UGT1A10: variants seen among roughly 807,000 people sequenced by gnomAD.
UGT1A10 encodes the protein UDP glucuronosyltransferase family 1 member A10, also known as UDP-glucuronosyltransferase 1A10.
A neutral mutation model predicts 45.8 loss-of-function variants in UGT1A10; 49 were observed. The ratio of observed to expected loss-of-function variants is 1.07; its 90% CI spans 0.85 to 1.36. The LOEUF (loss-of-function observed/expected upper bound fraction) is 1.36. Ranked by LOEUF, UGT1A10 falls within the 40% of genes most tolerant of loss-of-function variation. UGT1A10 has a pLI of 0.00. For missense variants in UGT1A10, 745 were observed against 668.6 expected, an observed-to-expected ratio of 1.11 and a Z score of -1.26; for synonymous variants, 284 against 249.7, an observed-to-expected ratio of 1.14 and a Z score of -1.29.
At chr2:233,687,497 C>T (rs1471270265) in intron 1 of UGT1A10, among the ~76,000 whole-genome samples, 1 of 147,862 alleles carries the variant, frequency 6.8e-6, no homozygotes, top group Non-Finnish European at 1.5e-5. Context: ...GATGATGAAA[C>T]TGAGGCACAG....
rs1275008504 is a variant in UGT1A10, at chr2:233,682,526, T to C, written c.855+45149T>C. On this transcript the variant is annotated intron_variant, in intron 1 of 4. Coordinates refer to ENST00000344644, the MANE Select transcript of UGT1A10 (RefSeq NM_019075.4). ...CTATGTCCCCAGACTTCTCTTAGGG[T>C]TCTCAGACGCCATGACTTTCAAGGA... is the stretch of plus-strand genomic sequence containing the variant. The C allele has an allele frequency of 2.5e-6, 4 of 1,613,918 alleles. No homozygotes were observed. The Admixed American group carries it at 6.7e-5, about 27-fold the overall frequency.
At chr2:233,678,916 G>A (rs190538655) in intron 1 of UGT1A10, among the ~76,000 whole-genome samples, 1 of 152,110 alleles carries the variant, frequency 6.6e-6, no homozygotes, top group Non-Finnish European at 1.5e-5. Context: ...GTGAAGTCAT[G>A]TGCAACATCT....
At chr2:233,760,848 C>T (rs1237758968) in intron 1 of UGT1A10, 1 of 1,613,934 alleles carries the variant, frequency 6.2e-7, no homozygotes, top group African/African-American at 1.3e-5. Flanking sequence ...CCCAGTGCCC[C>T]AACCCATTCT....
chr2:233,644,345 A>C (rs774350444), intron 1 of UGT1A10, among the ~76,000 whole-genome samples: 6 of 152,154 alleles, frequency 3.9e-5, no homozygotes, highest in Admixed American at 6.5e-5. Flanking sequence ...AGGTGGGTGG[A>C]TCACTTGAGG....
rs183557056 is a variant in UGT1A10 at position 233,739,734 on chromosome 2, G to A, written c.856-27300G>A. Reference sequence around the variant, plus strand: ...GGAAGGGACTTGACTTGTCTCAGATGAGACCTTGGACTATGGACTTTTGAG... The same window carrying A: ...GGAAGGGACTTGACTTGTCTCAGATAAGACCTTGGACTATGGACTTTTGAG... On this transcript the variant is annotated intron_variant, in intron 1 of 4. Transcript: ENST00000344644. Among the ~76,000 whole-genome samples the A allele has an allele frequency of 9.2e-3, 1,401 of 152,178 alleles. 30 individuals carry two copies. The highest frequency in any genetic ancestry group is 0.032 in the African/African-American group (1,315 of 41,414).
chr2:233,760,683 C>G, intron 1 of UGT1A10: 1 of 1,614,204 alleles, frequency 6.2e-7, no homozygotes, highest in Non-Finnish European at 8.5e-7. Context: ...ACTTACTGCA[C>G]AACAAGGAGC....
intron 1 of UGT1A10, among the ~76,000 whole-genome samples, chr2:233,686,693 C>T (rs2074799956): frequency 1.3e-5 from 2 of 152,118 alleles, no homozygotes; most frequent in South Asian, 2.1e-4. Flanking sequence ...TGGTGGTGCC[C>T]TCTGGCCTGC....
intron 1 of UGT1A10, chr2:233,755,811 GA>G (rs2125938248): frequency 6.6e-6 from 1 of 152,252 alleles, no homozygotes; most frequent in East Asian, 1.9e-4. Flanking sequence ...GATTAAAACA[GA>G]ATTAAAAAGA....
chr2:233,696,741 G>A (rs2075357541), intron 1 of UGT1A10, among the ~76,000 whole-genome samples: 1 of 152,080 alleles, frequency 6.6e-6, no homozygotes, highest in African/African-American at 2.4e-5. Context: ...ACCCTTTTCA[G>A]TATGATGTTA....
chr2:233,667,896 G>A (rs894133182), intron 1 of UGT1A10, among the ~76,000 whole-genome samples: 1 of 152,206 alleles, frequency 6.6e-6, no homozygotes, highest in Non-Finnish European at 1.5e-5. Context: ...GTGCTGTAGA[G>A]GATGTGGAGA....
At chr2:233,666,454 C>T (rs534336216) in intron 1 of UGT1A10, among the ~76,000 whole-genome samples, 12 of 152,138 alleles carry the variant, frequency 7.9e-5, no homozygotes, top group Admixed American at 2.0e-4. Flanking sequence ...TTATCTTGAA[C>T]GTCTTTACAT....
Position 233,769,905 on chromosome 2 carries a change from G to A in UGT1A10, c.1295+1466G>A. On this transcript the variant is annotated intron_variant, in intron 4 of 4. Coordinates refer to ENST00000344644, the MANE Select transcript of UGT1A10 (RefSeq NM_019075.4). The surrounding 1 kb of genome is among the most constrained non-coding windows in gnomAD (Gnocchi z 4.4). ...AGTCCACATAACCTGAGCATCATGTGCCCAGAGCGTTGGGTGGTGTGGTCC... is the reference window on the plus strand; with the variant it reads ...AGTCCACATAACCTGAGCATCATGTACCCAGAGCGTTGGGTGGTGTGGTCC... 1 of 322,682 alleles carries A rather than the reference G, an allele frequency of 3.1e-6. No individual in the cohort carries two copies. Among genetic ancestry groups the A allele is most frequent in the Admixed American group, 4.6e-5 (1 of 21,882 alleles). 20.0% of individuals were successfully genotyped at this position (322,682 alleles called of 1,614,324 possible).
rs1430980091 is a variant in UGT1A10 at position 233,768,314 on chromosome 2, G to A, written c.1170G>A (p.Leu390=). ...CNGVPMVMMP[L]FGDQMDNAKR... is the part of the protein sequence containing the mutation. ...GCGTTCCCATGGTGATGATGCCCTTGTTTGGTGATCAGATGGACAATGCAA... is the reference window on the plus strand; with the variant it reads ...GCGTTCCCATGGTGATGATGCCCTTATTTGGTGATCAGATGGACAATGCAA... The change falls in exon 4 of 5, where the codon TTG becomes TTA. Residue 390 remains leucine (L), a synonymous_variant. Transcript: ENST00000344644. 1.9e-5 allele frequency: 31 copies of A among 1,614,180 alleles called. No homozygotes were observed. Among genetic ancestry groups the A allele is most frequent in the Non-Finnish European group, 2.6e-5 (31 of 1,180,040 alleles).
rs1005188679 is a variant in UGT1A10, at chr2:233,769,324, T to C, written c.1295+885T>C. 3.9e-5 allele frequency among the ~76,000 whole-genome samples: 6 copies of C among 152,244 alleles called. No individual in the cohort carries two copies. Among genetic ancestry groups the C allele is most frequent in the African/African-American group, 1.4e-4 (6 of 41,472 alleles). On this transcript the variant is annotated intron_variant, in intron 4 of 4. Coordinates refer to ENST00000344644, the MANE Select transcript of UGT1A10 (RefSeq NM_019075.4). This position sits in a 1 kb window ranked among gnomAD's most constrained non-coding sequence, Gnocchi z 4.4. ...ATATTACTGTCAAGCTCACTGGTAA[T>C]AGGCTTATTAGAACCTTATGGGAAG...
At chr2:233,718,197 C>CT (rs1159094218) in intron 1 of UGT1A10, among the ~76,000 whole-genome samples, 6 of 152,152 alleles carry the variant, frequency 3.9e-5, no homozygotes, top group East Asian at 1.9e-4. Flanking sequence ...CTCCCCGGAG[C>CT]TTTTTTTTAT....
intron 1 of UGT1A10, chr2:233,718,773 C>A: frequency 6.2e-7 from 1 of 1,612,848 alleles, no homozygotes. Flanking sequence ...ACAAATGTAG[C>A]AGGCACAGCG....
intron 1 of UGT1A10, among the ~76,000 whole-genome samples, chr2:233,749,753 G>C (rs1694269310): frequency 1.3e-5 from 2 of 151,876 alleles, no homozygotes; most frequent in South Asian, 2.1e-4. Flanking sequence ...TAGTGAGTGA[G>C]TTCTTATGAG....
intron 1 of UGT1A10, among the ~76,000 whole-genome samples, chr2:233,677,371 C>T (rs1418519199): frequency 6.6e-6 from 1 of 152,014 alleles, no homozygotes. Context: ...GGGACCAACC[C>T]GTGTGTAGTA....
Position 233,772,667 on chromosome 2 carries a change from T to C in UGT1A10, c.*108T>C. On this transcript the variant is annotated 3_prime_UTR_variant, in exon 5 of 5. Transcript: ENST00000344644. Reference sequence around the variant, plus strand: ...TTTTATTCTTATTAAGGAAATACTTTGCATAAATTAATCAGCCCCAGAGTG... The same window carrying C: ...TTTTATTCTTATTAAGGAAATACTTCGCATAAATTAATCAGCCCCAGAGTG... The C allele has an allele frequency of 2.0e-6, 3 of 1,538,078 alleles. No individual in the cohort carries two copies. Among genetic ancestry groups the C allele is most frequent in the Admixed American group, 4.0e-5 (2 of 50,106 alleles).
Sources: allele counts gnomAD v4.1 joint callset (sites outside exome capture counted in the v4.1 genomes callset), GRCh38; gene constraint gnomAD v4.1.1; non-coding constraint Gnocchi (gnomAD v3.1); transcripts MANE v1.5; gene names NCBI Gene and HGNC (gene_info 2026-07-23, HGNC 2026-07-21).